MUSK: variants seen among roughly 807,000 people sequenced by gnomAD.
MUSK encodes muscle associated receptor tyrosine kinase, also known as muscle, skeletal receptor tyrosine-protein kinase.
A neutral mutation model predicts 88.7 loss-of-function variants in MUSK; 55 were observed. The observed-to-expected ratio is 0.62, with a 90% CI of 0.50 to 0.78. MUSK has a LOEUF of 0.78. Among genes scored for constraint, MUSK ranks in the 30% least tolerant of loss-of-function variants. MUSK has a pLI of 0.00. For missense variants in MUSK, 1,015 were observed against 1,074.3 expected (o/e 0.94, Z 0.77); for synonymous variants, 387 against 391.9 (o/e 0.99, Z 0.15).
At chr9:110,716,409 G>C (rs922758626) in intron 5 of MUSK, among the ~76,000 whole-genome samples, 1 of 149,762 alleles carries the variant, frequency 6.7e-6, no homozygotes, top group South Asian at 2.1e-4. Context: ...AGAAAGCTCA[G>C]GAAATTAATA....
chr9:110,751,149 T>C (rs1258565689), intron 7 of MUSK, among the ~76,000 whole-genome samples: 2 of 152,172 alleles, frequency 1.3e-5, no homozygotes, highest in Non-Finnish European at 2.9e-5. Context: ...ATCTTTAAGA[T>C]GCCGAGAGGA....
intron 11 of MUSK, among the ~76,000 whole-genome samples, chr9:110,777,560 G>A (rs567866644): frequency 3.3e-5 from 5 of 151,976 alleles, no homozygotes; most frequent in Non-Finnish European, 4.4e-5. Flanking sequence ...TTCCCAAATC[G>A]AAGGAATAAA....
intron 7 of MUSK, among the ~76,000 whole-genome samples, chr9:110,756,691 C>T (rs2077329369): frequency 6.6e-6 from 1 of 152,092 alleles, no homozygotes; most frequent in African/African-American, 2.4e-5. Context: ...AATAATTCAT[C>T]CCCTTTCTCC....
At position 110,771,161 on chromosome 9, in the gene MUSK, C is replaced by CTTTTTTT. The variant is rs34185224; in HGVS notation, c.1184+3094_1184+3100dup. ...AAATTTCTCTTATGCTCATTTCCTTCTTTTTTTTTTTTTTTTTTTTTTGTC... is the reference window on the plus strand; with the variant it reads ...AAATTTCTCTTATGCTCATTTCCTTCTTTTTTTTTTTTTTTTTTTTTTTTTTTTTGTC... On this transcript the variant is annotated intron_variant, in intron 9 of 14. Coordinates refer to ENST00000374448, the MANE Select transcript of MUSK (RefSeq NM_005592.4). 6.7e-4 allele frequency among the ~76,000 whole-genome samples: 65 copies of CTTTTTTT among 96,432 alleles called. 1 individual carries two copies. The highest frequency in any genetic ancestry group is 1.7e-3 in the African/African-American group (42 of 24,642). 63.3% of individuals were successfully genotyped at this position (96,432 alleles called of 152,430 possible).
Position 110,755,400 on chromosome 9 carries a change from T to G in MUSK, c.914-6802T>G, listed in dbSNP as rs148922981. The stretch of plus-strand genomic sequence containing the variant: ...CTCATAAAGAGAGGTAACAAAGACC[T>G]GAGGCTATATGTGTAACCAGTGTAT... On this transcript the variant is annotated intron_variant, in intron 7 of 14. Transcript: ENST00000374448. Among the ~76,000 whole-genome samples the G allele has an allele frequency of 1.4e-4, 22 of 152,328 alleles. 1 individual carries two copies. In the East Asian group the frequency reaches 3.3e-3, roughly 23 times the overall value.
chr9:110,779,445 A>C (rs73542154), intron 11 of MUSK, among the ~76,000 whole-genome samples: 9 of 152,072 alleles, frequency 5.9e-5, no homozygotes, highest in African/African-American at 2.2e-4. Flanking sequence ...CAGGCACTCA[A>C]TCTCTCTGTA....
chr9:110,743,970 T>A (rs890703395), intron 6 of MUSK, among the ~76,000 whole-genome samples: 2 of 152,086 alleles, frequency 1.3e-5, no homozygotes, highest in Non-Finnish European at 2.9e-5. Context: ...CTTTTTTTTT[T>A]TTTTATTTTT....
At position 110,803,372 on chromosome 9, in the gene MUSK, G is replaced by A. The variant is rs1564303136; in HGVS notation, c.*2384G>A. Among the ~76,000 whole-genome samples, 1 of 152,154 alleles carries A rather than the reference G, an allele frequency of 6.6e-6. No homozygotes were observed. Among genetic ancestry groups the A allele is most frequent in the South Asian group, 2.1e-4 (1 of 4,830 alleles). ...CGCCCAGGCTGGAGTGCAGTGGCAC[G>A]ATCTTGGCTCACTGCAAGCTCAGCC... On this transcript the variant is annotated 3_prime_UTR_variant, in exon 15 of 15. Transcript: ENST00000374448.
chr9:110,713,093 A>G (rs2076694471), intron 5 of MUSK, among the ~76,000 whole-genome samples: 1 of 152,092 alleles, frequency 6.6e-6, no homozygotes, highest in Non-Finnish European at 1.5e-5. Flanking sequence ...ATTCAGATTT[A>G]CCATGCAAGC....
chr9:110,747,613 G>A (rs764490253), intron 6 of MUSK, 28 bp from the exon 7 acceptor site: 1 of 1,593,758 alleles, frequency 6.3e-7, no homozygotes, highest in Admixed American at 1.7e-5. Flanking sequence ...CCTTGACTGA[G>A]TTCTTTTATT....
At position 110,800,548 on chromosome 9, in the gene MUSK, C is replaced by T. The variant is rs1255531873; in HGVS notation, c.2170C>T (p.Arg724Ter). The change falls in exon 15 of 15, where the codon CGA becomes TGA. Residue 724 changes from arginine to a stop codon, truncating the protein, a stop_gained. Transcript: ENST00000374448. LOFTEE classifies it high-confidence loss of function. ...CCTCTCAGAACGTAAGTTTGTTCAC[C>T]GAGATTTAGCCACCAGGAACTGCCT... ...AYLSERKFVH[R>*]DLATRNCLVG... 5.0e-6 allele frequency: 8 copies of T among 1,613,778 alleles called. No individual in the cohort carries two copies. Among genetic ancestry groups the T allele is most frequent in the African/African-American group, 1.3e-5 (1 of 74,870 alleles).
intron 5 of MUSK, among the ~76,000 whole-genome samples, chr9:110,723,510 A>G (rs1432531568): frequency 6.6e-6 from 1 of 152,082 alleles, no homozygotes; most frequent in Non-Finnish European, 1.5e-5. Flanking sequence ...AAGACTATAT[A>G]TTACGTACAG....
intron 3 of MUSK, among the ~76,000 whole-genome samples, chr9:110,690,002 ATATTATAAATATAT>A (rs1432490914): frequency 4.3e-5 from 4 of 93,144 alleles, no homozygotes; most frequent in African/African-American, 1.8e-4. Context: ...TATATATTAT[ATATTATAAATATAT>A]AATATATATT....
In MUSK at chr9:110,690,465, T is replaced by A. The variant is rs1324997433; in HGVS notation, c.358+3197T>A. On this transcript the variant is annotated intron_variant, in intron 3 of 14. Transcript: ENST00000374448. The stretch of plus-strand genomic sequence containing the variant: ...AAGTATATATAAATATATATTTAAA[T>A]ATAAGTATATATATAAATATATATT... Among the ~76,000 whole-genome samples, 146 of 106,060 alleles carry A rather than the reference T, an allele frequency of 1.4e-3. 4 individuals carry two copies. The highest frequency in any genetic ancestry group is 2.3e-3 in the Non-Finnish European group (138 of 58,880). 69.6% of individuals were successfully genotyped at this position (106,060 alleles called of 152,430 possible).
intron 8 of MUSK, among the ~76,000 whole-genome samples, chr9:110,766,032 ACTC>A (rs1185090701): frequency 6.6e-6 from 1 of 151,162 alleles, no homozygotes; most frequent in Non-Finnish European, 1.5e-5. Flanking sequence ...TGCAGCACTC[ACTC>A]CTCCCAGGCA....
chr9:110,745,782 A>G (rs2077168575), intron 6 of MUSK, among the ~76,000 whole-genome samples: 1 of 152,212 alleles, frequency 6.6e-6, no homozygotes, highest in Admixed American at 6.5e-5. Context: ...TCTGACCTGG[A>G]AAGATTCCCA....
chr9:110,757,546 C>T (rs989681413), intron 7 of MUSK, among the ~76,000 whole-genome samples: 1 of 150,650 alleles, frequency 6.6e-6, no homozygotes, highest in African/African-American at 2.4e-5. Flanking sequence ...ATTGCTAATA[C>T]TTTATCACAT....
In MUSK at chr9:110,788,231, T is replaced by C. The variant is rs1250549490; in HGVS notation, c.1927+393T>C. 5 of 178,474 alleles carry C rather than the reference T, an allele frequency of 2.8e-5. No homozygotes were observed. The East Asian group carries it at 8.4e-4, about 30-fold the overall frequency. 11.1% of individuals were successfully genotyped at this position (178,474 alleles called of 1,614,324 possible). ...CATGAGCAGCGATTTGTATCTTTTCTGTTCATTGTTGAGTTCCAGTTTATT... is the reference window on the plus strand; with the variant it reads ...CATGAGCAGCGATTTGTATCTTTTCCGTTCATTGTTGAGTTCCAGTTTATT... On this transcript the variant is annotated intron_variant, in intron 14 of 14. Transcript: ENST00000374448.
At chr9:110,799,134 C>A (rs1221924388) in intron 14 of MUSK, among the ~76,000 whole-genome samples, 2 of 152,034 alleles carry the variant, frequency 1.3e-5, no homozygotes. Context: ...CTTTAGTTTA[C>A]AGAAATGTGC....
Sources: allele counts gnomAD v4.1 joint callset (sites outside exome capture counted in the v4.1 genomes callset), GRCh38; gene constraint gnomAD v4.1.1; transcripts MANE v1.5; gene names NCBI Gene and HGNC (gene_info 2026-07-23, HGNC 2026-07-21).